PCLO: variants seen among roughly 807,000 people sequenced by gnomAD.
PCLO encodes the protein piccolo presynaptic cytomatrix protein.
In PCLO, 82 loss-of-function variants were observed where a neutral mutation model predicts 427.5. The ratio of observed to expected loss-of-function variants is 0.19; its 90% CI spans 0.16 to 0.23. The LOEUF (loss-of-function observed/expected upper bound fraction) is 0.23. PCLO is among the 10% of genes least tolerant of loss of function. The pLI is 1.00. For missense variants in PCLO, 6,239 were observed against 6,115.9 expected (o/e 1.02, Z -0.67); for synonymous variants, 2,357 against 2,155.4 (o/e 1.09, Z -2.59).
intron 6 of PCLO, among the ~76,000 whole-genome samples, chr7:82,942,032 A>T (rs1289225998): frequency 6.6e-6 from 1 of 152,322 alleles, no homozygotes; most frequent in East Asian, 1.9e-4. Flanking sequence ...TACAAAAATT[A>T]GCTGGGCATC....
intron 16 of PCLO, among the ~76,000 whole-genome samples, chr7:82,832,418 A>AT (rs896430757): frequency 9.9e-5 from 15 of 150,810 alleles, no homozygotes; most frequent in African/African-American, 3.2e-4. Context: ...TGCCCGGCTA[A>AT]TTTTTTTTGT....
chr7:82,801,135 T>C (rs1791338437), intron 22 of PCLO, among the ~76,000 whole-genome samples: 1 of 134,478 alleles, frequency 7.4e-6, no homozygotes, highest in Non-Finnish European at 1.7e-5. Flanking sequence ...TAAGAATTTC[T>C]ATGGACTTAA....
intron 2 of PCLO, among the ~76,000 whole-genome samples, chr7:83,138,403 G>A (rs1425718477): frequency 2.0e-5 from 3 of 152,188 alleles, no homozygotes; most frequent in Non-Finnish European, 4.4e-5. Context: ...GCTCAGGCCT[G>A]TAATCCCAGC....
chr7:83,086,572 C>T (rs12707548), intron 3 of PCLO, among the ~76,000 whole-genome samples: 74,279 of 151,786 alleles, frequency 0.49, 18,313 homozygotes, highest in African/African-American at 0.51. Context: ...ATTTTTCTTA[C>T]GATGATTTAG....
chr7:82,810,451 T>C lies in PCLO; in HGVS notation c.14792-4622A>G, dbSNP rs1464743022. Among the ~76,000 whole-genome samples the C allele has an allele frequency of 2.4e-5, 3 of 123,666 alleles. No homozygotes were observed. In the East Asian group the frequency reaches 1.3e-3, roughly 52 times the overall value. 81.1% of individuals were successfully genotyped at this position (123,666 alleles called of 152,430 possible). ...TTTCTTTTTGAAATCTTAAGTGTAT[T>C]ACTAAGTACCAAGTAAAGGAAAGAG... On this transcript the variant is annotated intron_variant, in intron 20 of 24. Transcript: ENST00000333891.
chr7:82,950,337 A>G lies in PCLO; in HGVS notation c.10251T>C (p.Ala3417=). The G allele has an allele frequency of 1.2e-6, 2 of 1,613,626 alleles. No homozygotes were observed. The highest frequency in any genetic ancestry group is 1.7e-6 in the Non-Finnish European group (2 of 1,179,820). The change falls in exon 6 of 25, where the codon GCT becomes GCC. Residue 3417 remains alanine, a synonymous_variant. Transcript: ENST00000333891. The part of the protein sequence containing the change: ...EKQPKKRSSG[A]KVRGQYDDMG... The stretch of plus-strand genomic sequence containing the variant: ...TGTCATCATACTGTCCTCGGACTTT[A>G]GCTCCAGAACTTCTCTTTTTGGGTT...
intron 3 of PCLO, among the ~76,000 whole-genome samples, chr7:83,109,735 T>C (rs751496676): frequency 2.0e-5 from 3 of 152,092 alleles, no homozygotes; most frequent in South Asian, 2.1e-4. Context: ...TATAAATCCA[T>C]CATTCTAATC....
intron 15 of PCLO, among the ~76,000 whole-genome samples, 180 bp from the exon 16 acceptor site, chr7:82,835,873 G>C (rs1792220678): frequency 6.6e-6 from 1 of 152,126 alleles, no homozygotes; most frequent in South Asian, 2.1e-4. Flanking sequence ...ATAATACCTT[G>C]CAAGTGTAAT....
Position 82,755,702 on chromosome 7 carries a change from A to T in PCLO, c.*2873T>A, listed in dbSNP as rs549632694. The T allele has an allele frequency of 7.9e-5, 12 of 152,324 alleles. No individual in the cohort carries two copies. Among genetic ancestry groups the T allele is most frequent in the Non-Finnish European group, 1.8e-4 (12 of 68,028 alleles). 9.4% of individuals were successfully genotyped at this position (152,324 alleles called of 1,614,324 possible). ...AAAATGAAATAAACTAAAGAGTGAA[A>T]AACCATGTACTGTGATATGTACAAA... On this transcript the variant is annotated 3_prime_UTR_variant, in exon 25 of 25. Transcript: ENST00000333891.
At chr7:82,943,220 T>A in intron 6 of PCLO, among the ~76,000 whole-genome samples, 1 of 152,202 alleles carries the variant, frequency 6.6e-6, no homozygotes, top group East Asian at 1.9e-4. Context: ...TGCAATAGGA[T>A]CCTGGCTTAA....
intron 10 of PCLO, among the ~76,000 whole-genome samples, chr7:82,874,909 C>T (rs1415272924): frequency 6.6e-6 from 1 of 152,092 alleles, no homozygotes; most frequent in Non-Finnish European, 1.5e-5. Context: ...ATCTCACAGC[C>T]TCAACACTGT....
chr7:82,768,289 G>A (rs1459074650), intron 22 of PCLO, among the ~76,000 whole-genome samples: 1 of 152,002 alleles, frequency 6.6e-6, no homozygotes, highest in Non-Finnish European at 1.5e-5. Context: ...CAGGCCTGGT[G>A]GCGTGAGCCT....
In PCLO at chr7:83,036,297, C is replaced by A. The variant is rs531176195; in HGVS notation, c.3301-69810G>T. ...AGAGTTTCTGATTCGGTTAGTAGGT[C>A]TGGGTGGGGAAAGAGAATTTGGAAT... On this transcript the variant is annotated intron_variant, in intron 3 of 24. Coordinates refer to ENST00000333891, the MANE Select transcript of PCLO (RefSeq NM_033026.6). Among the ~76,000 whole-genome samples the A allele has an allele frequency of 1.2e-4, 18 of 152,240 alleles. No individual in the cohort carries two copies. In the South Asian group the frequency reaches 3.7e-3, roughly 32 times the overall value.
chr7:83,017,861 G>A (rs1788246155), intron 3 of PCLO: 1 of 151,830 alleles, frequency 6.6e-6, no homozygotes, highest in South Asian at 2.1e-4. Flanking sequence ...CATTTTAAAT[G>A]GCTAAGAAAG....
intron 3 of PCLO, among the ~76,000 whole-genome samples, chr7:83,064,674 AG>A (rs1789621790): frequency 6.6e-6 from 1 of 152,040 alleles, no homozygotes; most frequent in Admixed American, 6.6e-5. Flanking sequence ...TTAGAAATGG[AG>A]GCAGACCACC....
intron 3 of PCLO, among the ~76,000 whole-genome samples, chr7:82,989,451 T>A (rs2115830630): frequency 6.6e-6 from 1 of 152,248 alleles, no homozygotes; most frequent in Middle Eastern, 3.4e-3. Flanking sequence ...TTGCTTCTAA[T>A]TCCTTAAAAG....
intron 3 of PCLO, among the ~76,000 whole-genome samples, chr7:83,125,664 G>C (rs1791420022): frequency 6.6e-6 from 1 of 152,136 alleles, no homozygotes; most frequent in African/African-American, 2.4e-5. Context: ...GATGTGCTTT[G>C]TTAAACAGAT....
At chr7:83,108,647 T>C (rs185207843) in intron 3 of PCLO, among the ~76,000 whole-genome samples, 59 of 152,230 alleles carry the variant, frequency 3.9e-4, no homozygotes, top group African/African-American at 1.4e-3. Context: ...AAGAGATGAA[T>C]GTTCAATATT....
At chr7:82,819,491 C>T (rs949087778) in intron 20 of PCLO, among the ~76,000 whole-genome samples, 14 of 114,058 alleles carry the variant, frequency 1.2e-4, no homozygotes, top group East Asian at 2.8e-4. Flanking sequence ...ATTTAAAGAA[C>T]GTGAATAACA....
Sources: allele counts gnomAD v4.1 joint callset (sites outside exome capture counted in the v4.1 genomes callset), GRCh38; gene constraint gnomAD v4.1.1; transcripts MANE v1.5; gene names NCBI Gene and HGNC (gene_info 2026-07-23, HGNC 2026-07-21).